The following SND1 variants were observed in gnomAD, a reference collection of about 807,000 sequenced individuals.
The protein encoded by SND1 is staphylococcal nuclease domain-containing protein 1.
In SND1, 38 loss-of-function variants were observed where a neutral mutation model predicts 121.7. That is an observed-to-expected ratio of 0.31 (90% CI 0.24 to 0.41). SND1 has a LOEUF of 0.41. SND1 is among the 10% of genes least tolerant of loss of function. The pLI is 1.00. For synonymous variants in SND1, 401 were observed against 447.4 expected (o/e 0.90, Z 1.31); for missense variants, 868 against 1,184.6 (o/e 0.73, Z 3.92).
chr7:127,678,115 C>T (rs1032016264), intron 1 of SND1, among the ~76,000 whole-genome samples: 2 of 152,260 alleles, frequency 1.3e-5, no homozygotes, highest in African/African-American at 4.8e-5. Context: ...TAGGTAACCT[C>T]AGATACCATT....
intron 11 of SND1, among the ~76,000 whole-genome samples, chr7:127,813,340 T>G (rs1395845172): frequency 6.6e-6 from 1 of 152,182 alleles, no homozygotes; most frequent in African/African-American, 2.4e-5. Flanking sequence ...GAAGGTTGAT[T>G]AACAGAAATG....
chr7:127,721,175 C>T (rs1488870976), intron 9 of SND1, 112 bp from the exon 10 acceptor site: 3 of 616,530 alleles, frequency 4.9e-6, no homozygotes, highest in African/African-American at 3.7e-5. Flanking sequence ...ACTGTTTTTC[C>T]CACAAATGGC....
intron 10 of SND1, among the ~76,000 whole-genome samples, chr7:127,766,771 CAAAAAAAAAAAAAA>C (rs59243807): frequency 2.7e-4 from 9 of 33,214 alleles, no homozygotes; most frequent in Admixed American, 1.3e-3. Flanking sequence ...GACTTTGTCT[CAAAAAAAAAAAAAA>C]AAAAAAAAAA....
chr7:127,761,227 A>G (rs758693921), intron 10 of SND1, among the ~76,000 whole-genome samples: 11 of 152,184 alleles, frequency 7.2e-5, no homozygotes, highest in Non-Finnish European at 1.3e-4. Context: ...TCTTCCCCAC[A>G]TCCCAAAAGT....
At chr7:127,846,353 C>A (rs2116651171) in intron 12 of SND1, among the ~76,000 whole-genome samples, 1 of 152,234 alleles carries the variant, frequency 6.6e-6, no homozygotes, top group Admixed American at 6.5e-5. Context: ...CTTAAATTGT[C>A]TCCTTGGATT....
At chr7:128,007,482 T>C (rs1803010186) in intron 16 of SND1, among the ~76,000 whole-genome samples, 1 of 152,172 alleles carries the variant, frequency 6.6e-6, no homozygotes, top group Non-Finnish European at 1.5e-5. Flanking sequence ...GTGCAGCAGA[T>C]GGCAAATAGT....
intron 15 of SND1, among the ~76,000 whole-genome samples, chr7:127,954,903 C>T (rs1801557641): frequency 6.6e-6 from 1 of 152,150 alleles, no homozygotes; most frequent in East Asian, 1.9e-4. Flanking sequence ...TTCCAGAAAT[C>T]ACAGATCTCT....
At chr7:127,776,056 C>T (rs1797614900) in intron 10 of SND1, among the ~76,000 whole-genome samples, 1 of 152,180 alleles carries the variant, frequency 6.6e-6, no homozygotes, top group East Asian at 1.9e-4. Flanking sequence ...TAAACTTCTG[C>T]ACTAAACAAC....
At chr7:128,057,148 T>C (rs934190241) in intron 16 of SND1, among the ~76,000 whole-genome samples, 11 of 152,186 alleles carry the variant, frequency 7.2e-5, no homozygotes, top group Non-Finnish European at 1.5e-4. Context: ...CAGACAGCGG[T>C]TGACCACGGG....
At chr7:127,988,515 A>G (rs985359162) in intron 15 of SND1, among the ~76,000 whole-genome samples, 4 of 152,046 alleles carry the variant, frequency 2.6e-5, no homozygotes, top group African/African-American at 9.7e-5. Flanking sequence ...AAATGTTTTG[A>G]ATATATTTCT....
intron 10 of SND1, among the ~76,000 whole-genome samples, chr7:127,798,497 T>A (rs1029148705): frequency 6.6e-6 from 1 of 152,228 alleles, no homozygotes; most frequent in Admixed American, 6.5e-5. Context: ...TTGTCACTGT[T>A]ACTACAATGT....
chr7:127,703,522 G>C (rs1244654232), intron 7 of SND1, among the ~76,000 whole-genome samples, 199 bp downstream of exon 7: 1 of 152,184 alleles, frequency 6.6e-6, no homozygotes, highest in Non-Finnish European at 1.5e-5. Flanking sequence ...GACCATCCTG[G>C]CCAACATGGT....
intron 10 of SND1, among the ~76,000 whole-genome samples, chr7:127,798,369 A>G (rs1563017236): frequency 6.6e-6 from 1 of 152,144 alleles, no homozygotes; most frequent in Admixed American, 6.5e-5. Flanking sequence ...GAAAGGAGAC[A>G]AGACATGCCT....
intron 11 of SND1, 83 bp downstream of exon 11, chr7:127,807,656 C>T: frequency 1.9e-6 from 2 of 1,028,380 alleles, no homozygotes; most frequent in East Asian, 2.4e-5. Flanking sequence ...AAGCTGGGCC[C>T]TTTACCAGCA....
intron 10 of SND1, among the ~76,000 whole-genome samples, chr7:127,730,268 G>T (rs1796652617): frequency 6.6e-6 from 1 of 152,144 alleles, no homozygotes; most frequent in African/African-American, 2.4e-5. Flanking sequence ...CGCCCAGCCT[G>T]ACATTGGACA....
chr7:127,964,894 A>G (rs1219331815), intron 15 of SND1, among the ~76,000 whole-genome samples: 34 of 91,644 alleles, frequency 3.7e-4, no homozygotes, highest in African/African-American at 1.7e-3. Flanking sequence ...TGAGCATGGA[A>G]TGTTCTTCCA....
At chr7:127,785,230 A>G (rs140151424) in intron 10 of SND1, among the ~76,000 whole-genome samples, 1 of 152,190 alleles carries the variant, frequency 6.6e-6, no homozygotes, top group African/African-American at 2.4e-5. Context: ...TAGATTGACC[A>G]GTGGAAGGAA....
intron 15 of SND1, among the ~76,000 whole-genome samples, chr7:127,978,333 C>A (rs1357153735): frequency 6.6e-6 from 1 of 152,008 alleles, no homozygotes; most frequent in African/African-American, 2.4e-5. Flanking sequence ...AAGATAAAGT[C>A]TAAGGACAAC....
chr7:128,016,023 C>T (rs1441590933), intron 16 of SND1, among the ~76,000 whole-genome samples: 1 of 152,066 alleles, frequency 6.6e-6, no homozygotes, highest in African/African-American at 2.4e-5. Flanking sequence ...ACAGCCATAC[C>T]AACATTTATA....
Sources: allele counts gnomAD v4.1 joint callset (sites outside exome capture counted in the v4.1 genomes callset), GRCh38; gene constraint gnomAD v4.1.1; transcripts MANE v1.5; gene names NCBI Gene and HGNC (gene_info 2026-07-23, HGNC 2026-07-21).